Variants in C1GALT1 observed in about 807,000 individuals in gnomAD.
C1GALT1 encodes the protein core 1 synthase, glycoprotein-N-acetylgalactosamine 3-beta-galactosyltransferase 1, also known as glycoprotein-N-acetylgalactosamine 3-beta-galactosyltransferase 1.
Under a neutral mutation model 31.0 loss-of-function variants are expected in C1GALT1, and 11 were observed. The observed-to-expected ratio is 0.36, with a 90% CI of 0.22 to 0.59. C1GALT1 has a LOEUF of 0.59. Among genes scored for constraint, C1GALT1 ranks in the 20% least tolerant of loss-of-function variants. C1GALT1 has a pLI of 0.79. For missense variants in C1GALT1, 424 were observed against 425.2 expected (o/e 1.00, Z 0.03); for synonymous variants, 175 against 143.6 (o/e 1.22, Z -1.56).
At chr7:7,171,723 G>A (rs188376053) in intron 2 of C1GALT1, among the ~76,000 whole-genome samples, 8 of 151,334 alleles carry the variant, frequency 5.3e-5, no homozygotes, top group South Asian at 2.1e-4. Flanking sequence ...ATTTTGATTC[G>A]CTTCTCATTT....
intron 2 of C1GALT1, among the ~76,000 whole-genome samples, chr7:7,166,327 A>C: frequency 6.6e-6 from 1 of 152,230 alleles, no homozygotes; most frequent in East Asian, 1.9e-4. Context: ...AACAATAAAA[A>C]GTAATAAACT....
At chr7:7,242,796 G>A (rs890301861) in intron 3 of C1GALT1, among the ~76,000 whole-genome samples, 2 of 152,072 alleles carry the variant, frequency 1.3e-5, no homozygotes, top group Non-Finnish European at 2.9e-5. Context: ...GTTTAAATCT[G>A]ACCTACCTTA....
chr7:7,170,802 T>G (rs1780445477), intron 2 of C1GALT1, among the ~76,000 whole-genome samples: 1 of 152,142 alleles, frequency 6.6e-6, no homozygotes, highest in South Asian at 2.1e-4. Context: ...AACAAAAACA[T>G]CTTATGTTTT....
chr7:7,162,451 T>A (rs548809479), intron 2 of C1GALT1, among the ~76,000 whole-genome samples: 2,929 of 151,856 alleles, frequency 0.019, 89 homozygotes, highest in African/African-American at 0.067. Context: ...GAACTCATCA[T>A]TTTTTATGGC....
rs765265066 is a variant in C1GALT1 at position 7,243,659 on chromosome 7, C to T, written c.1024C>T (p.Arg342Cys). Reference sequence around the variant, plus strand: ...CAGATATCAACCTACCTTACCTGAACGTATACTAAAGGAAATTAGTCAAGC... The same window carrying T: ...CAGATATCAACCTACCTTACCTGAATGTATACTAAAGGAAATTAGTCAAGC... ...LYRYQPTLPE[R>C]ILKEISQANK... The change falls in exon 4 of 4, where the codon CGT (arginine) becomes TGT (cysteine). Residue 342 changes from arginine to cysteine, a missense_variant. Coordinates refer to ENST00000436587, the MANE Select transcript of C1GALT1 (RefSeq NM_020156.5). 34 of 1,608,050 alleles carry T rather than the reference C, an allele frequency of 2.1e-5. No individual in the cohort carries two copies. The highest frequency in any genetic ancestry group is 2.6e-5 in the Non-Finnish European group (31 of 1,178,226).
intron 1 of C1GALT1, among the ~76,000 whole-genome samples, chr7:7,202,321 C>T (rs1389105950): frequency 2.0e-5 from 3 of 152,186 alleles, no homozygotes; most frequent in Non-Finnish European, 4.4e-5. Flanking sequence ...CCACACACTA[C>T]TCGGTGTGTC....
intron 1 of C1GALT1, among the ~76,000 whole-genome samples, chr7:7,228,920 G>C (rs1301796586): frequency 6.6e-6 from 1 of 152,230 alleles, no homozygotes; most frequent in South Asian, 2.1e-4. Context: ...TCCACAAACA[G>C]TAACTGTTTT....
At position 7,242,485 on chromosome 7, in the gene C1GALT1, AATT is replaced by A. The variant is rs1282149718; in HGVS notation, c.889-1034_889-1032del. 3.9e-5 allele frequency among the ~76,000 whole-genome samples: 6 copies of A among 152,114 alleles called. No homozygotes were observed. In the South Asian group the frequency reaches 6.2e-4, roughly 16 times the overall value. On this transcript the variant is annotated intron_variant, in intron 3 of 3. Transcript: ENST00000436587. ...TGTAAGCTACATACTTCCAAACATA[AATT>A]ATTAGATTTATTAAATATTCAGTCA...
In C1GALT1 at chr7:7,238,938, T is replaced by G. The variant is rs200516561; in HGVS notation, c.888+16T>G. The stretch of plus-strand genomic sequence containing the variant: ...TCCTGTAGAGGTAAGTTTAGAAATT[T>G]TATTACTATGTCAATACTTGGACTG... On this transcript the variant is annotated intron_variant, in intron 3 of 3. Coordinates refer to ENST00000436587, the MANE Select transcript of C1GALT1 (RefSeq NM_020156.5). The surrounding 1 kb of genome is among the most constrained non-coding windows in gnomAD (Gnocchi z 5.2). The G allele has an allele frequency of 6.3e-7, 1 of 1,577,516 alleles. No homozygotes were observed. The highest frequency in any genetic ancestry group is 8.6e-7 in the Non-Finnish European group (1 of 1,158,790).
chr7:7,184,677 T>A (rs896577651), intron 1 of C1GALT1, among the ~76,000 whole-genome samples: 8 of 152,228 alleles, frequency 5.3e-5, no homozygotes, highest in African/African-American at 1.9e-4. Flanking sequence ...TTGATTGGAA[T>A]TTTTGTGACA....
At chr7:7,200,960 A>T (rs2128235609) in intron 1 of C1GALT1, among the ~76,000 whole-genome samples, 1 of 152,258 alleles carries the variant, frequency 6.6e-6, no homozygotes, top group South Asian at 2.1e-4. Context: ...TTTAGCTCGG[A>T]GAATTTGTTA....
At chr7:7,223,910 C>T (rs1782629020) in intron 1 of C1GALT1, among the ~76,000 whole-genome samples, 1 of 152,050 alleles carries the variant, frequency 6.6e-6, no homozygotes, top group Non-Finnish European at 1.5e-5. Context: ...GTTTTTGATA[C>T]TTGTTCTTTA....
At chr7:7,215,740 T>C (rs1361872361) in intron 1 of C1GALT1, among the ~76,000 whole-genome samples, 2 of 152,100 alleles carry the variant, frequency 1.3e-5, no homozygotes, top group Non-Finnish European at 2.9e-5. Context: ...TCCAAAATTC[T>C]CTTCTGCTTG....
At chr7:7,241,509 T>G (rs937770816) in intron 3 of C1GALT1, among the ~76,000 whole-genome samples, 3 of 152,014 alleles carry the variant, frequency 2.0e-5, no homozygotes, top group African/African-American at 7.2e-5. Flanking sequence ...TATCTTTGCA[T>G]ACAAACTCAT....
chr7:7,222,198 G>A (rs925749323), intron 1 of C1GALT1, among the ~76,000 whole-genome samples: 4 of 152,326 alleles, frequency 2.6e-5, no homozygotes, highest in Admixed American at 2.0e-4. Flanking sequence ...TCTTTAATTG[G>A]AGTGAAATCA....
chr7:7,234,617 T>C, intron 2 of C1GALT1, 78 bp downstream of exon 2: 2 of 1,026,404 alleles, frequency 1.9e-6, no homozygotes, highest in Non-Finnish European at 2.9e-6. Flanking sequence ...CTGTATCTGT[T>C]AATTAAAATG....
intron 2 of C1GALT1, among the ~76,000 whole-genome samples, chr7:7,171,279 CTGT>C (rs1404618151): frequency 1.3e-5 from 2 of 151,980 alleles, no homozygotes; most frequent in Non-Finnish European, 2.9e-5. Flanking sequence ...TTTTGGGTCT[CTGT>C]TGTTTGGTGC....
chr7:7,181,192 A>ATTGCGGAAAGGTGGAAGAATG (rs1562555629), upstream of C1GALT1, among the ~76,000 whole-genome samples: 1 of 109,112 alleles, frequency 9.2e-6, no homozygotes, highest in Non-Finnish European at 2.0e-5. Context: ...ATGGCAAGAC[A>ATTGCGGAAAGGTGGAAGAATG]TTGCGGAAAG....
intron 1 of C1GALT1, among the ~76,000 whole-genome samples, chr7:7,212,559 A>C (rs1174557188): frequency 6.6e-6 from 1 of 152,228 alleles, no homozygotes; most frequent in Non-Finnish European, 1.5e-5. Context: ...AGACCACCTG[A>C]GCAGGCTTAG....
Sources: gnomAD v4.1 joint callset for allele counts (sites outside exome capture counted in the v4.1 genomes callset) on GRCh38, gnomAD v4.1.1 for gene constraint, Gnocchi (gnomAD v3.1) non-coding constraint, MANE v1.5 for transcripts, NCBI Gene and HGNC (gene_info 2026-07-23, HGNC 2026-07-21) for gene names.